WDPCP: variants seen among roughly 807,000 people sequenced by gnomAD.
The protein encoded by WDPCP is WD repeat-containing and planar cell polarity effector protein fritz homolog.
A neutral mutation model predicts 93.1 loss-of-function variants in WDPCP; 71 were observed. That is an observed-to-expected ratio of 0.76 (90% CI 0.63 to 0.93). WDPCP has a LOEUF of 0.93. WDPCP is among the 40% of genes least tolerant of loss of function. WDPCP has a pLI of 0.00. For missense variants in WDPCP, 844 were observed against 887.4 expected (o/e 0.95, Z 0.62); for synonymous variants, 315 against 315.0 (o/e 1.00, Z 0.00).
intron 6 of WDPCP, among the ~76,000 whole-genome samples, chr2:63,461,193 T>C (rs566915043): frequency 6.6e-6 from 1 of 151,670 alleles, no homozygotes; most frequent in Admixed American, 6.6e-5. Flanking sequence ...GTTTGGATAT[T>C]TGTCCCCACC....
intron 2 of WDPCP, among the ~76,000 whole-genome samples, chr2:63,736,890 A>G (rs1246102838): frequency 6.6e-6 from 1 of 152,146 alleles, no homozygotes; most frequent in African/African-American, 2.4e-5. Flanking sequence ...TGTTCACTGC[A>G]GGCATATTAT....
At chr2:63,508,111 G>A (rs557599316) in intron 1 of WDPCP, among the ~76,000 whole-genome samples, 40 of 152,190 alleles carry the variant, frequency 2.6e-4, no homozygotes, top group African/African-American at 9.4e-4. Flanking sequence ...CTCGAGAAGA[G>A]CAACCCCAAG....
At chr2:63,766,809 A>G (rs1670147429) in intron 2 of WDPCP, among the ~76,000 whole-genome samples, 1 of 152,154 alleles carries the variant, frequency 6.6e-6, no homozygotes, top group Non-Finnish European at 1.5e-5. Context: ...AAATACATTC[A>G]TAAAATTATG....
rs183654423 is a variant in WDPCP, at chr2:63,280,523, C to T, written c.1813-21114G>A. 2.0e-5 allele frequency among the ~76,000 whole-genome samples: 3 copies of T among 152,248 alleles called. No homozygotes were observed. The East Asian group carries it at 5.8e-4, about 29-fold the overall frequency. On this transcript the variant is annotated intron_variant, in intron 13 of 17. Transcript: ENST00000272321. ...CCATATCAAGCCCACAGAGCCAAAG[C>T]AAGACAAAGCAAAAAGAACAAATCT...
At chr2:63,712,746 CAGTG>C (rs1669280867) in intron 2 of WDPCP, among the ~76,000 whole-genome samples, 1 of 152,188 alleles carries the variant, frequency 6.6e-6, no homozygotes, top group Non-Finnish European at 1.5e-5. Flanking sequence ...TGTGTGAAGA[CAGTG>C]AGACCCCCTG....
chr2:63,554,309 T>G (rs1238522594), intron 1 of WDPCP, among the ~76,000 whole-genome samples: 1 of 152,176 alleles, frequency 6.6e-6, no homozygotes, highest in East Asian at 1.9e-4. Flanking sequence ...CTCTTCTAGG[T>G]TCATTATATC....
intron 14 of WDPCP, among the ~76,000 whole-genome samples, chr2:63,249,400 C>T (rs986034856): frequency 3.3e-5 from 5 of 152,134 alleles, no homozygotes; most frequent in Non-Finnish European, 1.5e-5. Flanking sequence ...GACATGATGA[C>T]GGATGTTTGA....
intron 17 of WDPCP, among the ~76,000 whole-genome samples, chr2:63,142,156 A>G (rs1244090466): frequency 2.0e-5 from 3 of 151,494 alleles, no homozygotes; most frequent in African/African-American, 7.3e-5. Context: ...TCATCTTGGC[A>G]GTTTTCTTAT....
intron 2 of WDPCP, among the ~76,000 whole-genome samples, chr2:63,652,056 A>G (rs557253556): frequency 6.6e-5 from 10 of 152,366 alleles, no homozygotes; most frequent in African/African-American, 2.4e-4. Flanking sequence ...AGTGAGTTAA[A>G]TGCTGCAATT....
intron 1 of WDPCP, among the ~76,000 whole-genome samples, chr2:63,550,199 ACACACAC>A: frequency 1.6e-4 from 1 of 6,250 alleles, no homozygotes; most frequent in Non-Finnish European, 2.2e-4. Context: ...AGAAACACAC[ACACACAC>A]ACACACACAC....
intron 13 of WDPCP, among the ~76,000 whole-genome samples, chr2:63,300,935 G>A (rs530306398): frequency 3.3e-5 from 5 of 152,168 alleles, no homozygotes; most frequent in African/African-American, 1.2e-4. Context: ...GGTCTGGAGA[G>A]CATGTGGCAT....
intron 10 of WDPCP, among the ~76,000 whole-genome samples, chr2:63,398,239 C>A (rs932301701): frequency 6.6e-6 from 1 of 152,072 alleles, no homozygotes; most frequent in Non-Finnish European, 1.5e-5. Flanking sequence ...TTAAGGAGAG[C>A]AGTGAAGGTT....
intron 9 of WDPCP, among the ~76,000 whole-genome samples, chr2:63,426,135 T>C (rs1696268013): frequency 1.3e-5 from 2 of 152,120 alleles, no homozygotes; most frequent in South Asian, 4.1e-4. Flanking sequence ...GGTCAGGAGT[T>C]CGAGACCAGC....
At chr2:63,150,222 T>C (rs1168980464) in intron 17 of WDPCP, among the ~76,000 whole-genome samples, 1 of 152,190 alleles carries the variant, frequency 6.6e-6, no homozygotes. Flanking sequence ...TGGCTTTCCA[T>C]ATTTTTGTAT....
intron 9 of WDPCP, among the ~76,000 whole-genome samples, chr2:63,413,887 TA>T (rs1003202834): frequency 6.6e-6 from 1 of 151,328 alleles, no homozygotes; most frequent in Non-Finnish European, 1.5e-5. Flanking sequence ...GTCAGCAGAG[TA>T]AACAGACAAC....
chr2:63,323,347 T>C (rs562873441), intron 12 of WDPCP, among the ~76,000 whole-genome samples: 1 of 152,332 alleles, frequency 6.6e-6, no homozygotes, highest in South Asian at 2.1e-4. Flanking sequence ...TTTGGGATTC[T>C]GTTACCTTCT....
Position 63,156,725 on chromosome 2 carries a change from G to A in WDPCP, c.2079-3151C>T, listed in dbSNP as rs548824183. Among the ~76,000 whole-genome samples, 337 of 152,194 alleles carry A rather than the reference G, an allele frequency of 2.2e-3. 1 individual carries two copies. Among genetic ancestry groups the A allele is most frequent in the Middle Eastern group, 6.8e-3 (2 of 294 alleles). Reference sequence around the variant, plus strand: ...TGCACTCTAGCCTGGGTGACAGAGCGAGACTCTGTCTCAAAAAAAAGAAAC... The same window carrying A: ...TGCACTCTAGCCTGGGTGACAGAGCAAGACTCTGTCTCAAAAAAAAGAAAC... On this transcript the variant is annotated intron_variant, in intron 15 of 17. Transcript: ENST00000272321.
At position 63,557,704 on chromosome 2, in the gene WDPCP, G is replaced by A. The variant is rs113777370; in HGVS notation, c.75+30493C>T. 1.1e-4 allele frequency among the ~76,000 whole-genome samples: 17 copies of A among 151,910 alleles called. 1 individual carries two copies. Among genetic ancestry groups the A allele is most frequent in the African/African-American group, 3.4e-4 (14 of 41,442 alleles). ...AAACAACAGAATACACATTCTTCTC[G>A]GTGCCACATTCACTTACTCTAAAAT... On this transcript the variant is annotated intron_variant, in intron 1 of 17. Coordinates refer to ENST00000272321, the MANE Select transcript of WDPCP (RefSeq NM_015910.7).
At chr2:63,495,768 T>G (rs936660718) in intron 1 of WDPCP, among the ~76,000 whole-genome samples, 3 of 152,174 alleles carry the variant, frequency 2.0e-5, no homozygotes, top group African/African-American at 7.2e-5. Context: ...ACTCAGTATA[T>G]CCATCACTAC....
Sources: gnomAD v4.1 joint callset for allele counts (sites outside exome capture counted in the v4.1 genomes callset) on GRCh38, gnomAD v4.1.1 for gene constraint, MANE v1.5 for transcripts, NCBI Gene and HGNC (gene_info 2026-07-23, HGNC 2026-07-21) for gene names.